The following SPTLC3 variants were observed in gnomAD, a reference collection of about 807,000 sequenced individuals.
SPTLC3 encodes serine palmitoyltransferase 3.
In SPTLC3, 36 loss-of-function variants were observed where a neutral mutation model predicts 59.3. The ratio of observed to expected loss-of-function variants is 0.61; its 90% CI spans 0.47 to 0.80. SPTLC3 has a LOEUF of 0.80. Among genes scored for constraint, SPTLC3 ranks in the 30% least tolerant of loss-of-function variants. The pLI is 0.00. For synonymous variants in SPTLC3, 257 were observed against 240.8 expected (o/e 1.07, Z -0.62); for missense variants, 625 against 685.1 (o/e 0.91, Z 0.98).
At chr20:13,032,554 C>A (rs1456839136) in intron 1 of SPTLC3, among the ~76,000 whole-genome samples, 1 of 152,178 alleles carries the variant, frequency 6.6e-6, no homozygotes, top group African/African-American at 2.4e-5. Context: ...GGCCATGTTC[C>A]CTCATTTCCA....
chr20:13,010,706 C>A (rs145560094), intron 1 of SPTLC3, among the ~76,000 whole-genome samples: 6 of 152,194 alleles, frequency 3.9e-5, no homozygotes, highest in African/African-American at 1.2e-4. Flanking sequence ...CTACTCAAGA[C>A]GATCCTTGCC....
chr20:13,060,632 T>C (rs1412256093), intron 2 of SPTLC3, among the ~76,000 whole-genome samples: 60 of 130,044 alleles, frequency 4.6e-4, no homozygotes, highest in African/African-American at 1.7e-3. Flanking sequence ...CTTTCCAGTG[T>C]CTCTTATTTT....
chr20:13,079,161 G>A (rs3906633), intron 4 of SPTLC3, among the ~76,000 whole-genome samples: 41,779 of 151,912 alleles, frequency 0.28, 5,900 homozygotes, highest in Middle Eastern at 0.35. Flanking sequence ...TATCCTTGAA[G>A]GGGAAAATTC....
chr20:13,088,351 T>C (rs1278320392), intron 4 of SPTLC3, among the ~76,000 whole-genome samples: 1 of 152,152 alleles, frequency 6.6e-6, no homozygotes, highest in African/African-American at 2.4e-5. Flanking sequence ...TTTTTGTTTT[T>C]TGAGATGGAG....
At chr20:13,116,955 G>T (rs996736294) in intron 7 of SPTLC3, among the ~76,000 whole-genome samples, 1 of 152,192 alleles carries the variant, frequency 6.6e-6, no homozygotes, top group African/African-American at 2.4e-5. Context: ...CTCGGTCTTT[G>T]ACTTGAAGTG....
At chr20:13,021,079 A>G (rs2122388280) in intron 1 of SPTLC3, among the ~76,000 whole-genome samples, 1 of 152,248 alleles carries the variant, frequency 6.6e-6, no homozygotes. Context: ...TGACTTCTCA[A>G]TCTTCATTTT....
At position 13,009,330 on chromosome 20, in the gene SPTLC3, C is replaced by G; in HGVS notation, c.63C>G (p.Ser21Arg). The G allele has an allele frequency of 6.2e-7, 1 of 1,614,026 alleles. No homozygotes were observed. Among genetic ancestry groups the G allele is most frequent in the African/African-American group, 1.3e-5 (1 of 75,008 alleles). Residue 21 changes from serine to arginine, a missense_variant, in exon 1 of 12, where the codon AGC (serine) becomes AGG (arginine). Ser to Arg is a moderately radical substitution (Grantham distance 110). Coordinates refer to ENST00000399002, the MANE Select transcript of SPTLC3 (RefSeq NM_018327.4). ...NGKLHNHKKQ[S>R]NGSQSRNCTK... is the part of the protein sequence containing the mutation. ...AACTTCACAATCACAAGAAACAGAGCAATGGCTCACAAAGCAGAAACTGCA... is the reference window on the plus strand; with the variant it reads ...AACTTCACAATCACAAGAAACAGAGGAATGGCTCACAAAGCAGAAACTGCA...
intron 9 of SPTLC3, among the ~76,000 whole-genome samples, chr20:13,131,074 T>C (rs981634537): frequency 2.0e-5 from 3 of 152,174 alleles, no homozygotes; most frequent in Non-Finnish European, 4.4e-5. Context: ...CGTTTTCTTA[T>C]CTAGACATAG....
chr20:13,075,955 A>C lies in SPTLC3; in HGVS notation c.607+1458A>C, dbSNP rs243890. On this transcript the variant is annotated intron_variant, in intron 4 of 11. Coordinates refer to ENST00000399002, the MANE Select transcript of SPTLC3 (RefSeq NM_018327.4). ...ATATGGAACATGGGTCCCCGACTCCATAGGTTTAGCAAACCTTAAGAAACT... is the reference window on the plus strand; with the variant it reads ...ATATGGAACATGGGTCCCCGACTCCCTAGGTTTAGCAAACCTTAAGAAACT... Among the ~76,000 whole-genome samples the C allele has an allele frequency of 9.2e-3, 1,399 of 152,326 alleles. 22 individuals carry two copies. Among genetic ancestry groups the C allele is most frequent in the African/African-American group, 0.031 (1,298 of 41,580 alleles).
At chr20:13,157,361 C>T (rs947123166) in intron 10 of SPTLC3, among the ~76,000 whole-genome samples, 4 of 151,918 alleles carry the variant, frequency 2.6e-5, no homozygotes, top group Admixed American at 6.6e-5. Context: ...CGCTGGAACC[C>T]GGGAGGTGGA....
intron 1 of SPTLC3, among the ~76,000 whole-genome samples, chr20:13,031,457 T>C (rs1986443537): frequency 1.3e-5 from 2 of 152,192 alleles, no homozygotes; most frequent in African/African-American, 4.8e-5. Context: ...TGGCACAGAG[T>C]TGGTGCTCAA....
chr20:13,065,791 T>G (rs986761499), intron 2 of SPTLC3, among the ~76,000 whole-genome samples: 1 of 151,754 alleles, frequency 6.6e-6, no homozygotes, highest in African/African-American at 2.4e-5. Flanking sequence ...TCAAGCTTTT[T>G]AAAAATTCTA....
chr20:13,091,176 A>G lies in SPTLC3; in HGVS notation c.701A>G (p.Asn234Ser), dbSNP rs762857006. 1.2e-6 allele frequency: 2 copies of G among 1,613,924 alleles called. No homozygotes were observed. The highest frequency in any genetic ancestry group is 2.2e-5 in the South Asian group (2 of 91,058). Reference protein sequence around the residue: ...AMVFGMGFATNSMNIPALVGK... With the variant: ...AMVFGMGFATSSMNIPALVGK... ...GTCTTTGGGATGGGATTCGCAACTAACTCAATGAATATCCCAGCATTAGTT... is the reference window on the plus strand; with the variant it reads ...GTCTTTGGGATGGGATTCGCAACTAGCTCAATGAATATCCCAGCATTAGTT... The change falls in exon 5 of 12, where the codon AAC becomes AGC. Residue 234 changes from asparagine (N) to serine (S), a missense_variant. By Grantham distance (46) the Asn-to-Ser change is conservative (BLOSUM62 1). Coordinates refer to ENST00000399002, the MANE Select transcript of SPTLC3 (RefSeq NM_018327.4).
At chr20:13,013,966 G>A (rs147615460) in intron 1 of SPTLC3, among the ~76,000 whole-genome samples, 11 of 152,270 alleles carry the variant, frequency 7.2e-5, no homozygotes, top group African/African-American at 2.6e-4. Flanking sequence ...ACCAGCTGTT[G>A]TCCAAAGCAC....
intron 6 of SPTLC3, among the ~76,000 whole-genome samples, chr20:13,097,305 A>T (rs2122644116): frequency 6.6e-6 from 1 of 152,224 alleles, no homozygotes; most frequent in Middle Eastern, 3.4e-3. Context: ...CTGAACAATC[A>T]TGCTAAGAAT....
intron 1 of SPTLC3, among the ~76,000 whole-genome samples, chr20:13,035,383 G>T (rs530610248): frequency 1.3e-5 from 2 of 152,284 alleles, no homozygotes; most frequent in Non-Finnish European, 2.9e-5. Flanking sequence ...TGAGCAACTA[G>T]ATTTCTTCTA....
At chr20:13,121,608 C>A (rs1394214091) in intron 8 of SPTLC3, among the ~76,000 whole-genome samples, 1 of 152,122 alleles carries the variant, frequency 6.6e-6, no homozygotes, top group African/African-American at 2.4e-5. Flanking sequence ...AAGACACGAC[C>A]CAGACTCGCC....
intron 9 of SPTLC3, among the ~76,000 whole-genome samples, chr20:13,129,634 G>A (rs529663049): frequency 7.4e-4 from 112 of 152,324 alleles, no homozygotes; most frequent in African/African-American, 2.6e-3. Flanking sequence ...TGGTCTATAT[G>A]TCATCCGAAT....
chr20:13,097,048 A>G (rs1989441514), intron 6 of SPTLC3, among the ~76,000 whole-genome samples: 1 of 152,080 alleles, frequency 6.6e-6, no homozygotes, highest in East Asian at 1.9e-4. Context: ...GAACTACTGA[A>G]TTATTTGTAG....
Sources: allele counts gnomAD v4.1 joint callset (sites outside exome capture counted in the v4.1 genomes callset), GRCh38; gene constraint gnomAD v4.1.1; transcripts MANE v1.5; gene names NCBI Gene and HGNC (gene_info 2026-07-23, HGNC 2026-07-21).